The following FAM107B variants were observed in gnomAD, a reference collection of about 807,000 sequenced individuals.
The protein encoded by FAM107B is protein FAM107B.
FAM107B carries 21 observed loss-of-function variants against 31.5 expected under a neutral mutation model. The ratio of observed to expected loss-of-function variants is 0.67; its 90% CI spans 0.47 to 0.96. The LOEUF (loss-of-function observed/expected upper bound fraction) is 0.96. FAM107B is among the 40% of genes least tolerant of loss of function. The pLI is 0.00. For synonymous variants in FAM107B, 157 were observed against 141.5 expected (o/e 1.11, Z -0.78); for missense variants, 452 against 377.1 (o/e 1.20, Z -1.64).
chr10:14,551,109 A>C (rs1279841294), intron 2 of FAM107B, among the ~76,000 whole-genome samples: 1 of 152,240 alleles, frequency 6.6e-6, no homozygotes. Flanking sequence ...ATTCTTTTAA[A>C]AGTTTTCCGA....
At chr10:14,554,135 C>T (rs776154331) in intron 2 of FAM107B, 88 of 985,266 alleles carry the variant, frequency 8.9e-5, no homozygotes, top group South Asian at 6.1e-4. Flanking sequence ...AAGCTGGCCT[C>T]GCCTGTTCAG....
chr10:14,528,176 T>G (rs926843687), intron 3 of FAM107B: 13 of 19,308 alleles, frequency 6.7e-4, no homozygotes, highest in Non-Finnish European at 1.5e-3. Context: ...AAGTTTTGGT[T>G]TTTTTTTTTT....
At chr10:14,753,923 G>A (rs1588756524) in intron 1 of FAM107B, among the ~76,000 whole-genome samples, 1 of 149,104 alleles carries the variant, frequency 6.7e-6, no homozygotes, top group South Asian at 2.1e-4. Context: ...TTATATCATA[G>A]ATGAAAAGTC....
At chr10:14,698,009 C>T (rs2131519193) in intron 1 of FAM107B, among the ~76,000 whole-genome samples, 1 of 152,068 alleles carries the variant, frequency 6.6e-6, no homozygotes, top group South Asian at 2.1e-4. Context: ...CCTGTAGTCC[C>T]AGCTACTCAG....
chr10:14,582,889 C>T (rs374182905), intron 2 of FAM107B, among the ~76,000 whole-genome samples: 9 of 151,968 alleles, frequency 5.9e-5, no homozygotes, highest in Non-Finnish European at 7.4e-5. Context: ...AGTTCGAGAT[C>T]GGCCTGGCCA....
At chr10:14,702,294 T>C (rs1855416940) in intron 1 of FAM107B, among the ~76,000 whole-genome samples, 1 of 152,272 alleles carries the variant, frequency 6.6e-6, no homozygotes, top group Admixed American at 6.5e-5. Flanking sequence ...TTTGCTGGAA[T>C]GTTGTTGCTC....
chr10:14,774,697 G>A lies in FAM107B; in HGVS notation c.-34C>T. 1 of 1,584,592 alleles carries A rather than the reference G, an allele frequency of 6.3e-7. No individual in the cohort carries two copies. The highest frequency in any genetic ancestry group is 1.2e-5 in the South Asian group (1 of 85,794). On this transcript the variant is annotated 5_prime_UTR_variant, in exon 1 of 5. Coordinates refer to ENST00000181796, the MANE Select transcript of FAM107B (RefSeq NM_031453.4). Reference sequence around the variant, plus strand: ...GTGAATCATTGCAAAGTTCAAACGGGGCAAGGAAATTTTCCAGGGGTCCAC... The same window carrying A: ...GTGAATCATTGCAAAGTTCAAACGGAGCAAGGAAATTTTCCAGGGGTCCAC...
intron 2 of FAM107B, among the ~76,000 whole-genome samples, chr10:14,620,024 T>C (rs1355240232): frequency 1.4e-5 from 2 of 144,674 alleles, no homozygotes; most frequent in South Asian, 2.2e-4. Context: ...TTTCTTTTTT[T>C]TTTTTTTTTT....
intron 1 of FAM107B, among the ~76,000 whole-genome samples, chr10:14,691,185 G>T (rs1289939108): frequency 4.6e-5 from 7 of 152,114 alleles, no homozygotes; most frequent in Non-Finnish European, 8.8e-5. Flanking sequence ...ACAGGCATGA[G>T]CCCCCGTACC....
chr10:14,723,597 A>G, intron 1 of FAM107B: 1 of 682,530 alleles, frequency 1.5e-6, no homozygotes, highest in Non-Finnish European at 2.7e-6. Flanking sequence ...CATAGAACAG[A>G]GGGGAATCTG....
At chr10:14,681,949 C>T (rs958271563) in intron 1 of FAM107B, among the ~76,000 whole-genome samples, 2 of 152,186 alleles carry the variant, frequency 1.3e-5, no homozygotes, top group African/African-American at 4.8e-5. Flanking sequence ...GGCACCTATA[C>T]ACCAGTCAAA....
rs548084510 is a variant in FAM107B, at chr10:14,664,117, C to T, written c.469+3517G>A. On this transcript the variant is annotated intron_variant, in intron 2 of 4. Transcript: ENST00000181796. ...CTTTCACCTCCTTAGTGCTCCCTGG[C>T]CCCCTACTTATGTCTCTGTTTCAGC... 7.2e-5 allele frequency among the ~76,000 whole-genome samples: 11 copies of T among 152,222 alleles called. No homozygotes were observed. In the East Asian group the frequency reaches 1.5e-3, roughly 21 times the overall value.
At chr10:14,588,293 G>A in intron 2 of FAM107B, among the ~76,000 whole-genome samples, 1 of 152,266 alleles carries the variant, frequency 6.6e-6, no homozygotes, top group Admixed American at 6.5e-5. Flanking sequence ...TATTTCAGCT[G>A]TAAGTAGGAA....
At chr10:14,633,476 G>C (rs10906720) in intron 2 of FAM107B, among the ~76,000 whole-genome samples, 128,571 of 152,172 alleles carry the variant, frequency 0.84, 54,627 homozygotes, top group Non-Finnish European at 0.89. Context: ...CTTTGGATAA[G>C]CAGTAGGAAT....
At chr10:14,536,185 A>G (rs1027988067) in intron 2 of FAM107B, among the ~76,000 whole-genome samples, 3 of 152,240 alleles carry the variant, frequency 2.0e-5, no homozygotes, top group African/African-American at 7.2e-5. Context: ...GCTAGTTTTC[A>G]TGTTTACCTA....
chr10:14,713,252 G>T (rs74122956), intron 1 of FAM107B, among the ~76,000 whole-genome samples: 19,437 of 152,150 alleles, frequency 0.13, 1,604 homozygotes, highest in African/African-American at 0.23. Flanking sequence ...TTCCATAAAT[G>T]CCAGTAAAGC....
chr10:14,615,828 G>A lies in FAM107B; in HGVS notation c.469+51806C>T, dbSNP rs1357329161. Among the ~76,000 whole-genome samples, 4 of 152,242 alleles carry A rather than the reference G, an allele frequency of 2.6e-5. No individual in the cohort carries two copies. The East Asian group carries it at 5.8e-4, about 22-fold the overall frequency. Reference sequence around the variant, plus strand: ...TCCTAAGCAATAATTTTTTGTATGTGTTCCCTAATTACCTTGTCAACTTTG... The same window carrying A: ...TCCTAAGCAATAATTTTTTGTATGTATTCCCTAATTACCTTGTCAACTTTG... On this transcript the variant is annotated intron_variant, in intron 2 of 4. Coordinates refer to ENST00000181796, the MANE Select transcript of FAM107B (RefSeq NM_031453.4).
rs77424413 is a variant in FAM107B at position 14,545,278 on chromosome 10, G to A, written c.470-14763C>T. Among the ~76,000 whole-genome samples the A allele has an allele frequency of 1.8e-3, 277 of 152,162 alleles. 4 individuals carry two copies. Among genetic ancestry groups the A allele is most frequent in the Non-Finnish European group, 3.4e-3 (229 of 67,998 alleles). On this transcript the variant is annotated intron_variant, in intron 2 of 4. Transcript: ENST00000181796. Reference sequence around the variant, plus strand: ...TCTATTTTAACTCTCCTATTTGGACGTGTGCTCTTTCTGCTAAATTAATGG... The same window carrying A: ...TCTATTTTAACTCTCCTATTTGGACATGTGCTCTTTCTGCTAAATTAATGG...
chr10:14,753,908 A>G (rs370901875), intron 1 of FAM107B, among the ~76,000 whole-genome samples: 39 of 150,888 alleles, frequency 2.6e-4, no homozygotes, highest in African/African-American at 9.2e-4. Context: ...CAACTAACCA[A>G]TTTTTTATAT....
Sources: gnomAD v4.1 joint callset for allele counts (sites outside exome capture counted in the v4.1 genomes callset) on GRCh38, gnomAD v4.1.1 for gene constraint, MANE v1.5 for transcripts, NCBI Gene and HGNC (gene_info 2026-07-23, HGNC 2026-07-21) for gene names.